DACH1: variants seen among roughly 807,000 people sequenced by gnomAD.
The protein encoded by DACH1 is dachshund homolog 1.
DACH1 carries 12 observed loss-of-function variants against 54.2 expected under a neutral mutation model. That is an observed-to-expected ratio of 0.22 (90% CI 0.14 to 0.36). The LOEUF (loss-of-function observed/expected upper bound fraction) is 0.36. DACH1 is among the 10% of genes least tolerant of loss of function. The pLI, the probability that DACH1 is intolerant of heterozygous loss-of-function variation, is 1.00. For missense variants in DACH1, 805 were observed against 929.8 expected (o/e 0.87, Z 1.75); for synonymous variants, 386 against 366.2 (o/e 1.05, Z -0.62).
At chr13:71,595,398 T>A (rs1874024622) in intron 3 of DACH1, among the ~76,000 whole-genome samples, 1 of 152,142 alleles carries the variant, frequency 6.6e-6, no homozygotes, top group Non-Finnish European at 1.5e-5. Context: ...ATTTGACATT[T>A]GTATTTAACT....
intron 1 of DACH1, among the ~76,000 whole-genome samples, chr13:71,711,782 A>G (rs1443728503): frequency 2.0e-5 from 3 of 152,272 alleles, no homozygotes; most frequent in East Asian, 3.9e-4. Flanking sequence ...TTTGATTACT[A>G]TAAATGATAT....
At chr13:71,456,886 A>G (rs1483054205) in intron 10 of DACH1, among the ~76,000 whole-genome samples, 2 of 152,070 alleles carry the variant, frequency 1.3e-5, no homozygotes, top group East Asian at 3.8e-4. Flanking sequence ...CAGTGCTCAG[A>G]TAAAAATTCT....
At chr13:71,643,573 C>G (rs1352152228) in intron 2 of DACH1, among the ~76,000 whole-genome samples, 2 of 152,110 alleles carry the variant, frequency 1.3e-5, no homozygotes, top group African/African-American at 2.4e-5. Flanking sequence ...TTTATCTAAT[C>G]AAAGGAGACT....
intron 6 of DACH1, among the ~76,000 whole-genome samples, chr13:71,544,087 C>T (rs1377993273): frequency 6.6e-6 from 1 of 152,114 alleles, no homozygotes; most frequent in Non-Finnish European, 1.5e-5. Flanking sequence ...TGATTTACCA[C>T]ATATCTTTCT....
chr13:71,453,837 T>C (rs1010190457), intron 10 of DACH1, among the ~76,000 whole-genome samples: 2 of 152,154 alleles, frequency 1.3e-5, no homozygotes, highest in Non-Finnish European at 2.9e-5. Flanking sequence ...TCAGTAAATA[T>C]GAGAGTTTCC....
chr13:71,464,204 G>A (rs2138146146), intron 10 of DACH1, among the ~76,000 whole-genome samples: 1 of 151,416 alleles, frequency 6.6e-6, no homozygotes, highest in South Asian at 2.1e-4. Context: ...CAGTATTTCA[G>A]CCATAAAAAT....
chr13:71,490,162 G>A (rs987028953), intron 6 of DACH1, among the ~76,000 whole-genome samples: 25 of 152,096 alleles, frequency 1.6e-4, no homozygotes, highest in Admixed American at 9.8e-4. Context: ...GCACAGTCCC[G>A]ATAGTATCTC....
chr13:71,624,636 C>T (rs1032372062), intron 3 of DACH1, among the ~76,000 whole-genome samples: 3 of 151,884 alleles, frequency 2.0e-5, no homozygotes, highest in African/African-American at 7.2e-5. Context: ...AAACTTTCTA[C>T]ATTTAATCTG....
At chr13:71,827,846 A>G (rs1888438075) in intron 1 of DACH1, among the ~76,000 whole-genome samples, 1 of 152,072 alleles carries the variant, frequency 6.6e-6, no homozygotes. Flanking sequence ...CAAATCCTTC[A>G]TTAAGGCAAG....
chr13:71,499,385 T>C (rs1316378277), intron 6 of DACH1, among the ~76,000 whole-genome samples: 3 of 152,330 alleles, frequency 2.0e-5, no homozygotes, highest in African/African-American at 7.2e-5. Flanking sequence ...CCTAGGTTGA[T>C]GTTTTGCATA....
intron 3 of DACH1, chr13:71,573,584 T>C: frequency 1.9e-6 from 1 of 519,354 alleles, no homozygotes; most frequent in Non-Finnish European, 3.5e-6. Context: ...CTGTGGGGAA[T>C]GAATATAAAT....
chr13:71,782,385 T>G (rs1044032131), intron 1 of DACH1, among the ~76,000 whole-genome samples: 1 of 151,982 alleles, frequency 6.6e-6, no homozygotes, highest in South Asian at 2.1e-4. Flanking sequence ...GAGGTTGAAG[T>G]CAGTGCAGAC....
At chr13:71,779,210 T>C (rs865888610) in intron 1 of DACH1, among the ~76,000 whole-genome samples, 24,385 of 100,380 alleles carry the variant, frequency 0.24, 3,223 homozygotes, top group African/African-American at 0.31. Flanking sequence ...TATATGTGTA[T>C]ATATATACGT....
chr13:71,730,489 G>A (rs973001309), intron 1 of DACH1, among the ~76,000 whole-genome samples: 3 of 152,084 alleles, frequency 2.0e-5, no homozygotes, highest in Non-Finnish European at 2.9e-5. Flanking sequence ...AGTCATGCAC[G>A]CAAAGTCAAA....
chr13:71,685,607 T>C lies in DACH1; in HGVS notation c.849-3697A>G, dbSNP rs561719939. 5.9e-5 allele frequency among the ~76,000 whole-genome samples: 9 copies of C among 152,346 alleles called. No homozygotes were observed. The South Asian group carries it at 1.9e-3, about 32-fold the overall frequency. ...CACAACCTACAGTTAGGTTCCCTTA[T>C]TGACAGGCTTGATATTTTATCCTTA... On this transcript the variant is annotated intron_variant, in intron 1 of 10. Coordinates refer to ENST00000613252, the MANE Select transcript of DACH1 (RefSeq NM_080759.6).
chr13:71,710,022 A>AT (rs1401946237), intron 1 of DACH1, among the ~76,000 whole-genome samples: 11 of 151,920 alleles, frequency 7.2e-5, no homozygotes, highest in Admixed American at 1.3e-4. Flanking sequence ...TAATTTTTGT[A>AT]TTTTTTTGTA....
At chr13:71,657,576 T>TAAA (rs34939790) in intron 2 of DACH1, among the ~76,000 whole-genome samples, 3 of 142,346 alleles carry the variant, frequency 2.1e-5, no homozygotes, top group African/African-American at 7.8e-5. Flanking sequence ...CTGTCTCAAA[T>TAAA]AAAAAAAAAA....
chr13:71,681,527 G>A (rs118183880), intron 2 of DACH1, among the ~76,000 whole-genome samples: 2,178 of 152,132 alleles, frequency 0.014, 45 homozygotes, highest in East Asian at 0.046. Context: ...AAGAAAATAG[G>A]AATAATAATT....
chr13:71,580,452 T>C (rs1374074827), intron 3 of DACH1, among the ~76,000 whole-genome samples: 1 of 152,192 alleles, frequency 6.6e-6, no homozygotes, highest in Non-Finnish European at 1.5e-5. Flanking sequence ...AATGTCAAAG[T>C]ATATATTATT....
Sources: allele counts gnomAD v4.1 joint callset (sites outside exome capture counted in the v4.1 genomes callset), GRCh38; gene constraint gnomAD v4.1.1; transcripts MANE v1.5; gene names NCBI Gene and HGNC (gene_info 2026-07-23, HGNC 2026-07-21).